Variants in GIT2 observed in about 807,000 individuals in gnomAD.
The protein encoded by GIT2 is ARF GTPase-activating protein GIT2.
A neutral mutation model predicts 100.3 loss-of-function variants in GIT2; 32 were observed. The ratio of observed to expected loss-of-function variants is 0.32; its 90% confidence interval spans 0.24 to 0.43. The LOEUF is 0.43. Among genes scored for constraint, GIT2 ranks in the 20% least tolerant of loss-of-function variants. The pLI is 1.00. For synonymous variants in GIT2, 353 were observed against 364.1 expected (o/e 0.97, Z 0.35); for missense variants, 737 against 975.1 (o/e 0.76, Z 3.25).
chr12:109,951,921 G>A (rs115578069), intron 13 of GIT2, among the ~76,000 whole-genome samples: 70 of 152,304 alleles, frequency 4.6e-4, no homozygotes, highest in African/African-American at 1.7e-3. Context: ...TGAATCTGGA[G>A]GAAGAACATT....
Position 109,961,614 on chromosome 12 carries a change from T to G in GIT2, c.888A>C (p.Ala296=). The G allele has an allele frequency of 6.3e-7, 1 of 1,590,750 alleles. No individual in the cohort carries two copies. The highest frequency in any genetic ancestry group is 8.6e-7 in the Non-Finnish European group (1 of 1,158,940). Residue 296 remains alanine, a splice_region_variant and synonymous_variant, in exon 10 of 20, where the codon GCA becomes GCC. Coordinates refer to ENST00000355312, the MANE Select transcript of GIT2 (RefSeq NM_057169.5). The stretch of plus-strand genomic sequence containing the variant: ...TTAGATAAAGCCACGTCAAGTCACC[T>G]GCATCCGTCTCTCGCCTGTCAACTT... The part of the protein sequence containing the change: ...YDEVDRRETD[A]VWLATQNHSA...
rs558892381 is a variant in GIT2, at chr12:109,937,513, C to T, written c.2003+867G>A. On this transcript the variant is annotated intron_variant, in intron 18 of 19. Transcript: ENST00000355312. ...TCTACATCCTGCCAACCATGGGAAGCTAGGATGTTACCCCAAGCAGTTCGC... is the reference window on the plus strand; with the variant it reads ...TCTACATCCTGCCAACCATGGGAAGTTAGGATGTTACCCCAAGCAGTTCGC... 1.1e-4 allele frequency among the ~76,000 whole-genome samples: 16 copies of T among 152,232 alleles called. No homozygotes were observed. The South Asian group carries it at 2.7e-3, about 26-fold the overall frequency.
chr12:109,998,697 A>T (rs879024161), upstream of GIT2: 7 of 152,242 alleles, frequency 4.6e-5, no homozygotes, highest in Admixed American at 4.6e-4. Flanking sequence ...CTAAATCACC[A>T]CCATAGTTAG....
intron 4 of GIT2, among the ~76,000 whole-genome samples, chr12:109,986,349 T>C (rs1269215486): frequency 5.3e-5 from 8 of 152,288 alleles, no homozygotes; most frequent in African/African-American, 1.2e-4. Context: ...TAATCCACCA[T>C]GGCTGGGCGC....
At chr12:109,989,864 A>C in intron 2 of GIT2, 62 bp from the exon 3 acceptor site, 1 of 855,904 alleles carries the variant, frequency 1.2e-6, no homozygotes, top group Non-Finnish European at 2.0e-6. Context: ...AATGGGGATC[A>C]GTGACTGAAC....
Position 109,947,500 on chromosome 12 carries a change from T to C in GIT2, c.1397A>G (p.Gln466Arg). The change falls in exon 15 of 20, where the codon CAA (glutamine) becomes CGA (arginine). Residue 466 changes from glutamine to arginine, a missense_variant. Coordinates refer to ENST00000355312, the MANE Select transcript of GIT2 (RefSeq NM_057169.5). The surrounding 1 kb of genome is among the most constrained non-coding windows in gnomAD (Gnocchi z 4.3). ...GTTCGAATTTTCACTCTGGAGTGTTTGAAGCTGAAAGAAATGTTTGGCAGT... is the reference window on the plus strand; with the variant it reads ...GTTCGAATTTTCACTCTGGAGTGTTCGAAGCTGAAAGAAATGTTTGGCAGT... The part of the protein sequence containing the change: ...DELRIMQKKL[Q>R]TLQSENSNLR... The C allele has an allele frequency of 6.2e-7, 1 of 1,611,852 alleles. No individual in the cohort carries two copies. The highest frequency in any genetic ancestry group is 8.5e-7 in the Non-Finnish European group (1 of 1,178,420).
rs1310009588 is a variant in GIT2 at position 109,930,196 on chromosome 12, C to G, written c.*2782G>C. The stretch of plus-strand genomic sequence containing the variant: ...GTGTTTGATCTTTGGGCCCAATTCA[C>G]TGTTCTTTGGCAAATAAGAACTATT... On this transcript the variant is annotated 3_prime_UTR_variant, in exon 20 of 20. Transcript: ENST00000355312. The G allele has an allele frequency of 1.3e-5, 2 of 152,594 alleles. No homozygotes were observed. 9.5% of individuals were successfully genotyped at this position (152,594 alleles called of 1,614,324 possible). A position where few individuals can be genotyped will look rare whatever the true frequency, so the allele number is the denominator to read the frequency against.
At chr12:109,980,208 G>A (rs931138062) in intron 7 of GIT2, among the ~76,000 whole-genome samples, 3 of 152,004 alleles carry the variant, frequency 2.0e-5, no homozygotes, top group South Asian at 2.1e-4. Flanking sequence ...GACTACAGGC[G>A]CACACCACCA....
chr12:109,961,813 C>T (rs1410251469), intron 9 of GIT2, 128 bp from the exon 10 acceptor site: 14 of 662,550 alleles, frequency 2.1e-5, no homozygotes, highest in Non-Finnish European at 3.5e-5. Flanking sequence ...TACATACCCA[C>T]TGTTAAACAG....
chr12:109,942,510 T>G (rs1378094530), intron 16 of GIT2, among the ~76,000 whole-genome samples: 2 of 152,118 alleles, frequency 1.3e-5, no homozygotes, highest in Non-Finnish European at 2.9e-5. Flanking sequence ...ATTTTTTGTA[T>G]TTTAATAGAG....
intron 16 of GIT2, chr12:109,942,871 A>G (rs982736156): frequency 2.0e-5 from 3 of 152,356 alleles, no homozygotes; most frequent in African/African-American, 7.2e-5. Context: ...ATCGTTGTCA[A>G]CAAAAGCATA....
intron 7 of GIT2, among the ~76,000 whole-genome samples, chr12:109,972,691 G>A (rs1057244567): frequency 2.0e-5 from 3 of 152,030 alleles, no homozygotes; most frequent in Admixed American, 1.3e-4. Flanking sequence ...TCAAACTCCC[G>A]ACCTCAGGTG....
chr12:109,991,874 G>T (rs1334589018), intron 1 of GIT2, 114 bp from the exon 2 acceptor site: 2 of 892,294 alleles, frequency 2.2e-6, no homozygotes, highest in African/African-American at 1.7e-5. Flanking sequence ...TTTTGTTTCA[G>T]TATGCTCATC....
rs183518030 is a variant in GIT2 at position 109,958,134 on chromosome 12, C to T, written c.1099+1713G>A. Among the ~76,000 whole-genome samples, 662 of 151,490 alleles carry T rather than the reference C, an allele frequency of 4.4e-3. 5 individuals carry two copies. The highest frequency in any genetic ancestry group is 0.015 in the African/African-American group (631 of 41,260). ...TAATTTTTTGTAGTTTTAGTAGAGA[C>T]GGGGTTTCACCATGTTAGCCAAGAT... On this transcript the variant is annotated intron_variant, in intron 12 of 19. Coordinates refer to ENST00000355312, the MANE Select transcript of GIT2 (RefSeq NM_057169.5).
intron 9 of GIT2, among the ~76,000 whole-genome samples, chr12:109,964,337 C>T (rs1843065685): frequency 6.6e-6 from 1 of 151,674 alleles, no homozygotes; most frequent in Admixed American, 6.6e-5. Flanking sequence ...CAGTTAAATA[C>T]TAGTAAGGAT....
intron 6 of GIT2, 178 bp downstream of exon 6, chr12:109,983,195 C>T (rs1243031291): frequency 3.5e-6 from 2 of 569,862 alleles, no homozygotes; most frequent in Non-Finnish European, 6.1e-6. Context: ...TGATTCTAGC[C>T]TTCCTCAACT....
chr12:109,938,316 G>C, intron 18 of GIT2, 64 bp downstream of exon 18: 1 of 1,156,058 alleles, frequency 8.7e-7, no homozygotes, highest in Non-Finnish European at 1.3e-6. Flanking sequence ...AGGAACATGG[G>C]CATCATCCCT....
chr12:109,996,344 C>G lies in GIT2; in HGVS notation c.-120G>C. 1 of 658,388 alleles carries G rather than the reference C, an allele frequency of 1.5e-6. No homozygotes were observed. The highest frequency in any genetic ancestry group is 2.5e-6 in the Non-Finnish European group (1 of 396,890). 40.8% of individuals were successfully genotyped at this position (658,388 alleles called of 1,614,324 possible). A position where few individuals can be genotyped will look rare whatever the true frequency, so the allele number is the denominator to read the frequency against. ...GCGGCGCTGACGGCGGCGCCTCTCC[C>G]CTCAGCGCCTTGCAGCCTTGGCACA... On this transcript the variant is annotated 5_prime_UTR_variant, in exon 1 of 20. Coordinates refer to ENST00000355312, the MANE Select transcript of GIT2 (RefSeq NM_057169.5).
intron 16 of GIT2, among the ~76,000 whole-genome samples, chr12:109,941,606 C>T (rs1188015070): frequency 6.6e-6 from 1 of 151,776 alleles, no homozygotes; most frequent in East Asian, 1.9e-4. Context: ...ACTGCAACCT[C>T]CGCCTCCCAG....
Sources: allele counts gnomAD v4.1 joint callset (sites outside exome capture counted in the v4.1 genomes callset), GRCh38; gene constraint gnomAD v4.1.1; non-coding constraint Gnocchi (gnomAD v3.1); transcripts MANE v1.5; gene names NCBI Gene and HGNC (gene_info 2026-07-23, HGNC 2026-07-21).